Variants in ARHGEF16 observed in about 807,000 individuals in gnomAD.
The protein encoded by ARHGEF16 is Rho guanine exchange factor (GEF) 16.
A neutral mutation model predicts 74.1 loss-of-function variants in ARHGEF16; 59 were observed. The ratio of observed to expected loss-of-function variants is 0.80; its 90% CI spans 0.65 to 0.99. The LOEUF (loss-of-function observed/expected upper bound fraction) is 0.99, where lower values mean the gene tolerates loss of function less well. Ranked by LOEUF, ARHGEF16 falls within the 50% of genes least tolerant of loss-of-function variation. The pLI is 0.00. For missense variants in ARHGEF16, 948 were observed against 986.6 expected (o/e 0.96, Z 0.52); for synonymous variants, 415 against 412.6 (o/e 1.01, Z -0.07).
chr1:3,465,521 C>T (rs1042843529), intron 2 of ARHGEF16, among the ~76,000 whole-genome samples: 1 of 152,190 alleles, frequency 6.6e-6, no homozygotes, highest in African/African-American at 2.4e-5. Context: ...CAGCTGGGAG[C>T]ACCACACACT....
At chr1:3,465,983 C>T (rs1296035652) in intron 2 of ARHGEF16, 165 bp from the exon 3 acceptor site, 1 of 708,794 alleles carries the variant, frequency 1.4e-6, no homozygotes, top group African/African-American at 1.8e-5. Flanking sequence ...CCTCCCACCT[C>T]TCTTGGCCTC....
intron 6 of ARHGEF16, chr1:3,471,639 C>G (rs1282253635): frequency 5.0e-6 from 6 of 1,207,054 alleles, no homozygotes; most frequent in Non-Finnish European, 6.4e-6. Context: ...CTCCGGTCCC[C>G]TCTGCCTCAG....
chr1:3,477,676 G>A (rs1027285253), intron 10 of ARHGEF16, among the ~76,000 whole-genome samples, 199 bp from the exon 11 acceptor site: 4 of 151,854 alleles, frequency 2.6e-5, no homozygotes, highest in Admixed American at 2.0e-4. Flanking sequence ...GGCGCACCTC[G>A]ATTTGAGGCC....
chr1:3,458,576 G>A (rs1274354831), intron 1 of ARHGEF16, among the ~76,000 whole-genome samples: 3 of 152,210 alleles, frequency 2.0e-5, no homozygotes, highest in Non-Finnish European at 4.4e-5. Flanking sequence ...GGGCCCTCCC[G>A]GTCAGACACC....
intron 1 of ARHGEF16, among the ~76,000 whole-genome samples, chr1:3,458,291 C>G (rs951741797): frequency 6.6e-6 from 1 of 152,256 alleles, no homozygotes; most frequent in African/African-American, 2.4e-5. Context: ...TAAGCCCCCA[C>G]TCAGCAAGTC....
chr1:3,475,879 C>T, intron 9 of ARHGEF16, 91 bp from the exon 10 acceptor site: 3 of 1,316,572 alleles, frequency 2.3e-6, no homozygotes, highest in Admixed American at 2.4e-5. Flanking sequence ...CAGAGGCTGG[C>T]TGGGCAGGTG....
chr1:3,477,898 C>T lies in ARHGEF16; in HGVS notation c.1497C>T (p.Ser499=). 3.7e-6 allele frequency: 6 copies of T among 1,612,620 alleles called. No individual in the cohort carries two copies. The highest frequency in any genetic ancestry group is 5.1e-6 in the Non-Finnish European group (6 of 1,179,890). ...KVKSLPLISA[S]RWLLKRGELF... The stretch of plus-strand genomic sequence containing the variant: ...AGTCCCTCCCACTGATCTCTGCCTC[C>T]CGGTGGCTGCTGAAGCGCGGAGAGC... The change falls in exon 11 of 15, where the codon TCC becomes TCT. Residue 499 remains serine, a synonymous_variant. Coordinates refer to ENST00000378378, the MANE Select transcript of ARHGEF16 (RefSeq NM_014448.4).
At chr1:3,460,114 G>A (rs557054607) in intron 1 of ARHGEF16, among the ~76,000 whole-genome samples, 1 of 152,360 alleles carries the variant, frequency 6.6e-6, no homozygotes, top group East Asian at 1.9e-4. Flanking sequence ...CCCGAGAGCC[G>A]GCTCCTGGGG....
rs77854264 is a variant in ARHGEF16 at position 3,479,599 on chromosome 1, G to C, written c.1888+9G>C. 6.2e-7 allele frequency: 1 copy of C among 1,609,922 alleles called. No homozygotes were observed. The highest frequency in any genetic ancestry group is 1.1e-5 in the South Asian group (1 of 90,670). ...CCTCTCCAGCAAAGGAGGTGAGTGC[G>C]GGCTGGGGCCTGCAGGGCTGGCCCT... On this transcript the variant is annotated intron_variant, in intron 13 of 14. Transcript: ENST00000378378.
At chr1:3,468,797 C>T (rs868804629) in intron 4 of ARHGEF16, 83 bp from the exon 5 acceptor site, 22 of 1,487,974 alleles carry the variant, frequency 1.5e-5, no homozygotes, top group Non-Finnish European at 1.9e-5. Flanking sequence ...GGCCCTGGTC[C>T]ATCAGGAGGA....
chr1:3,473,542 G>C lies in ARHGEF16; in HGVS notation c.1305+20G>C. 3 of 1,603,008 alleles carry C rather than the reference G, an allele frequency of 1.9e-6. No individual in the cohort carries two copies. The highest frequency in any genetic ancestry group is 2.5e-6 in the Non-Finnish European group (3 of 1,179,944). ...ATGGATGTAAGTCCACGGCCTGAGGGTGGGGCCGGGCATACCATCCTGGGG... is the reference window on the plus strand; with the variant it reads ...ATGGATGTAAGTCCACGGCCTGAGGCTGGGGCCGGGCATACCATCCTGGGG... On this transcript the variant is annotated intron_variant, in intron 8 of 14. Coordinates refer to ENST00000378378, the MANE Select transcript of ARHGEF16 (RefSeq NM_014448.4).
At chr1:3,474,553 G>C (rs971848068) in intron 8 of ARHGEF16, 155 bp from the exon 9 acceptor site, 4 of 667,576 alleles carry the variant, frequency 6.0e-6, no homozygotes, top group African/African-American at 1.8e-5. Flanking sequence ...TGCAGAGGCC[G>C]TTCAGGGGCT....
chr1:3,469,706 G>A (rs1381619514), intron 6 of ARHGEF16, 113 bp downstream of exon 6: 2 of 1,422,688 alleles, frequency 1.4e-6, no homozygotes, highest in Non-Finnish European at 9.5e-7. Context: ...GCACCTTGAT[G>A]TGGATGGTTT....
At position 3,480,485 on chromosome 1, in the gene ARHGEF16, G is replaced by C. The variant is rs57844687; in HGVS notation, c.2028G>C (p.Thr676=). 1 of 1,612,628 alleles carries C rather than the reference G, an allele frequency of 6.2e-7. No individual in the cohort carries two copies. ...LYGERLRDGE[T]GWFPEDFARF... ...GCGAGAGGCTCCGGGACGGAGAGACGGGATGGTTCCCCGAGGACTTTGCCC... is the reference window on the plus strand; with the variant it reads ...GCGAGAGGCTCCGGGACGGAGAGACCGGATGGTTCCCCGAGGACTTTGCCC... Residue 676 remains threonine (T), a synonymous_variant, in exon 15 of 15, where the codon ACG becomes ACC. Transcript: ENST00000378378.
rs1167850642 is a variant in ARHGEF16, at chr1:3,467,299, T to C, written c.766T>C (p.Tyr256His). 1 of 1,550,180 alleles carries C rather than the reference T, an allele frequency of 6.5e-7. No homozygotes were observed. Among genetic ancestry groups the C allele is most frequent in the Admixed American group, 2.0e-5 (1 of 50,992 alleles). ...KVDATIVVKS[Y>H]RPAQVTWSQL... ...GGACGCCACCATTGTGGTCAAGAGC[T>C]ACCGGCCCGCCCAGGTCACCTGGAG... Residue 256 changes from tyrosine (Y) to histidine (H), a missense_variant, in exon 4 of 15, where the codon TAC (tyrosine) becomes CAC (histidine). Coordinates refer to ENST00000378378, the MANE Select transcript of ARHGEF16 (RefSeq NM_014448.4).
Position 3,463,182 on chromosome 1 carries a change from C to T in ARHGEF16, c.98C>T (p.Ser33Phe). 1 of 1,529,228 alleles carries T rather than the reference C, an allele frequency of 6.5e-7. No homozygotes were observed. Among genetic ancestry groups the T allele is most frequent in the Non-Finnish European group, 8.8e-7 (1 of 1,132,580 alleles). 94.7% of individuals were successfully genotyped at this position (1,529,228 alleles called of 1,614,324 possible). The change falls in exon 2 of 15, where the codon TCC (serine) becomes TTC (phenylalanine). Residue 33 changes from serine to phenylalanine, a missense_variant. Ser to Phe is a radical substitution (Grantham distance 155). Coordinates refer to ENST00000378378, the MANE Select transcript of ARHGEF16 (RefSeq NM_014448.4). ...CTCGATGCCGGGGGGAACCCAGCCTCCGGGCTCCCAATGGTCCGTGGCTCC... is the reference window on the plus strand; with the variant it reads ...CTCGATGCCGGGGGGAACCCAGCCTTCGGGCTCCCAATGGTCCGTGGCTCC... ...LRLDAGGNPA[S>F]GLPMVRGSPR...
intron 6 of ARHGEF16, among the ~76,000 whole-genome samples, chr1:3,470,585 CT>C (rs1639682767): frequency 9.0e-6 from 1 of 111,088 alleles, no homozygotes; most frequent in Non-Finnish European, 1.9e-5. Flanking sequence ...GTGTGAGTGG[CT>C]GTGTTTTCGG....
Position 3,478,006 on chromosome 1 carries a change from GGTT to G in ARHGEF16, c.1608_1610del (p.Val537del). ...ACCTTTTCCTGTTCAACGATGTCCT[GGTT>G]GTGACCAAGAAGAAGAGGTGGCCTT... On this transcript the variant is annotated inframe_deletion, in exon 11 of 15. Coordinates refer to ENST00000378378, the MANE Select transcript of ARHGEF16 (RefSeq NM_014448.4). 6.2e-7 allele frequency: 1 copy of G among 1,612,726 alleles called. No individual in the cohort carries two copies. Among genetic ancestry groups the G allele is most frequent in the South Asian group, 1.1e-5 (1 of 91,084 alleles).
intron 10 of ARHGEF16, among the ~76,000 whole-genome samples, chr1:3,477,100 G>A (rs535546930): frequency 4.7e-4 from 72 of 151,952 alleles, no homozygotes; most frequent in Middle Eastern, 3.4e-3. Flanking sequence ...CAGGAGGGAG[G>A]GTGGTGGCAG....
Sources: gnomAD v4.1 joint callset for allele counts (sites outside exome capture counted in the v4.1 genomes callset) on GRCh38, gnomAD v4.1.1 for gene constraint, MANE v1.5 for transcripts, NCBI Gene and HGNC (gene_info 2026-07-23, HGNC 2026-07-21) for gene names.